Variants in DCDC2 observed in about 807,000 individuals in gnomAD.
The protein encoded by DCDC2 is doublecortin domain containing 2, also known as doublecortin domain-containing protein 2.
In DCDC2, 40 loss-of-function variants were observed where a neutral mutation model predicts 50.2. The ratio of observed to expected loss-of-function variants is 0.80; its 90% CI spans 0.62 to 1.04. The LOEUF (loss-of-function observed/expected upper bound fraction) is 1.04, where lower values mean the gene tolerates loss of function less well. Among genes scored for constraint, DCDC2 ranks in the 50% least tolerant of loss-of-function variants. DCDC2 has a pLI of 0.00. For missense variants in DCDC2, 570 were observed against 581.9 expected (o/e 0.98, Z 0.21); for synonymous variants, 234 against 210.6 (o/e 1.11, Z -0.96).
intron 7 of DCDC2, among the ~76,000 whole-genome samples, chr6:24,219,277 A>C (rs1762048335): frequency 6.6e-6 from 1 of 152,230 alleles, no homozygotes; most frequent in African/African-American, 2.4e-5. Flanking sequence ...GATGATGATG[A>C]TTAATACTTA....
At chr6:24,199,147 G>A (rs961480959) in intron 8 of DCDC2, among the ~76,000 whole-genome samples, 16 of 152,220 alleles carry the variant, frequency 1.1e-4, no homozygotes, top group Non-Finnish European at 8.8e-5. Flanking sequence ...CCAGAACAGC[G>A]CTCGAGCTCT....
upstream of DCDC2, among the ~76,000 whole-genome samples, chr6:24,362,279 A>G (rs1049450510): frequency 1.4e-5 from 2 of 148,124 alleles, no homozygotes; most frequent in Non-Finnish European, 3.0e-5. Flanking sequence ...ATTTAATTGT[A>G]TGTTTATACA....
At chr6:24,220,072 A>T (rs1480624992) in intron 7 of DCDC2, among the ~76,000 whole-genome samples, 1 of 152,238 alleles carries the variant, frequency 6.6e-6, no homozygotes, top group Non-Finnish European at 1.5e-5. Flanking sequence ...AAGGCTACCC[A>T]TCGCTCCTTT....
chr6:24,258,850 A>T (rs1248614766), intron 7 of DCDC2, among the ~76,000 whole-genome samples: 1 of 152,178 alleles, frequency 6.6e-6, no homozygotes, highest in Non-Finnish European at 1.5e-5. Flanking sequence ...AATCAATAGG[A>T]GCTAAGCAAG....
intron 7 of DCDC2, among the ~76,000 whole-genome samples, chr6:24,223,721 T>C (rs754295554): frequency 6.6e-6 from 1 of 152,266 alleles, no homozygotes; most frequent in Non-Finnish European, 1.5e-5. Context: ...ATAAGGATCA[T>C]GCCAACCAGT....
At chr6:24,272,520 AAAT>A (rs1338588131) in intron 7 of DCDC2, among the ~76,000 whole-genome samples, 1 of 152,208 alleles carries the variant, frequency 6.6e-6, no homozygotes, top group African/African-American at 2.4e-5. Flanking sequence ...CAACAACAAA[AAAT>A]AATGACAGCC....
At chr6:24,348,522 G>A (rs1760308135) in intron 2 of DCDC2, among the ~76,000 whole-genome samples, 1 of 152,126 alleles carries the variant, frequency 6.6e-6, no homozygotes, top group African/African-American at 2.4e-5. Context: ...TCTAAGCCTG[G>A]TTAATAGCAA....
rs193034379 is a variant in DCDC2, at chr6:24,290,679, T to G, written c.704+253A>C. 1.1e-4 allele frequency among the ~76,000 whole-genome samples: 16 copies of G among 150,436 alleles called. No homozygotes were observed. The East Asian group carries it at 3.1e-3, about 29-fold the overall frequency. ...ACAATAATAAATTTTTGCATTTACT[T>G]ATAAATTTCATGCATGCTAAAAAAA... On this transcript the variant is annotated intron_variant, in intron 5 of 9. Transcript: ENST00000378454.
At chr6:24,199,001 A>C (rs2113756913) in intron 8 of DCDC2, among the ~76,000 whole-genome samples, 1 of 152,320 alleles carries the variant, frequency 6.6e-6, no homozygotes, top group East Asian at 1.9e-4. Context: ...GAGAGGCAGC[A>C]GCTCCAGTCA....
intron 7 of DCDC2, among the ~76,000 whole-genome samples, chr6:24,220,903 C>CGAGCGAGCGAGT (rs1762100208): frequency 1.4e-3 from 182 of 126,330 alleles, no homozygotes; most frequent in African/African-American, 4.7e-3. Flanking sequence ...AGCGAGCGAG[C>CGAGCGAGCGAGT]GAGAGAGTGA....
chr6:24,239,674 G>A (rs550891004), intron 7 of DCDC2, among the ~76,000 whole-genome samples: 2 of 152,204 alleles, frequency 1.3e-5, no homozygotes, highest in South Asian at 2.1e-4. Context: ...ATGTTCCCAG[G>A]CTAAAAGGAA....
At chr6:24,309,439 C>T (rs1001109223) in intron 2 of DCDC2, among the ~76,000 whole-genome samples, 1 of 151,702 alleles carries the variant, frequency 6.6e-6, no homozygotes, top group Admixed American at 6.6e-5. Context: ...CACAAAGGTA[C>T]CATTAAAGAT....
intron 2 of DCDC2, among the ~76,000 whole-genome samples, chr6:24,304,740 CT>C (rs1338624987): frequency 2.0e-5 from 3 of 152,226 alleles, no homozygotes; most frequent in African/African-American, 7.2e-5. Context: ...CAGCACCTTG[CT>C]TTTTTAATTT....
chr6:24,337,123 G>A (rs1760070181), intron 2 of DCDC2, among the ~76,000 whole-genome samples: 1 of 151,828 alleles, frequency 6.6e-6, no homozygotes, highest in African/African-American at 2.4e-5. Context: ...GAAACATCTG[G>A]AAAAAACAGC....
intron 7 of DCDC2, among the ~76,000 whole-genome samples, chr6:24,240,247 C>G (rs1762537904): frequency 6.6e-6 from 1 of 152,100 alleles, no homozygotes; most frequent in Non-Finnish European, 1.5e-5. Context: ...TTAATTTACC[C>G]TAAAAATTAA....
rs561051428 is a variant in DCDC2 at position 24,355,479 on chromosome 6, C to T, written c.294-1856G>A. On this transcript the variant is annotated intron_variant, in intron 1 of 9. Coordinates refer to ENST00000378454, the MANE Select transcript of DCDC2 (RefSeq NM_016356.5). ...AGAGGTGTCTTATATTTATGTAACACTTTGGTGTTTACAAAACACACATCT... is the reference window on the plus strand; with the variant it reads ...AGAGGTGTCTTATATTTATGTAACATTTTGGTGTTTACAAAACACACATCT... Among the ~76,000 whole-genome samples, 304 of 152,244 alleles carry T rather than the reference C, an allele frequency of 2.0e-3. 4 individuals carry two copies. The South Asian group carries it at 0.026, about 13-fold the overall frequency.
upstream of DCDC2, chr6:24,358,168 T>G: frequency 2.2e-6 from 1 of 461,146 alleles, no homozygotes; most frequent in South Asian, 5.7e-5. Flanking sequence ...AAACCCAATT[T>G]CTTACATCAT....
intron 7 of DCDC2, among the ~76,000 whole-genome samples, chr6:24,225,377 C>G (rs1036612951): frequency 2.6e-5 from 4 of 152,134 alleles, no homozygotes; most frequent in Non-Finnish European, 5.9e-5. Flanking sequence ...CACATCTTCT[C>G]CTGACCAGAA....
At chr6:24,225,510 T>A (rs767565520) in intron 7 of DCDC2, among the ~76,000 whole-genome samples, 1 of 152,170 alleles carries the variant, frequency 6.6e-6, no homozygotes, top group Non-Finnish European at 1.5e-5. Context: ...AAAAACTGAA[T>A]ATTAGCCTGT....
Sources: gnomAD v4.1 joint callset for allele counts (sites outside exome capture counted in the v4.1 genomes callset) on GRCh38, gnomAD v4.1.1 for gene constraint, MANE v1.5 for transcripts, NCBI Gene and HGNC (gene_info 2026-07-23, HGNC 2026-07-21) for gene names.